KIF26B: variants seen among roughly 807,000 people sequenced by gnomAD.
The protein encoded by KIF26B is kinesin-like protein KIF26B.
A neutral mutation model predicts 151.2 loss-of-function variants in KIF26B; 63 were observed. The observed-to-expected ratio is 0.42, with a 90% CI of 0.34 to 0.51. The LOEUF is 0.51. KIF26B is among the 20% of genes least tolerant of loss of function. The pLI is 0.07. For synonymous variants in KIF26B, 1,357 were observed against 1,262.1 expected (o/e 1.08, Z -1.59); for missense variants, 2,813 against 2,913.6 (o/e 0.97, Z 0.79).
chr1:245,242,415 C>G (rs4658729), intron 2 of KIF26B, among the ~76,000 whole-genome samples: 53,991 of 152,088 alleles, frequency 0.35, 9,904 homozygotes, highest in East Asian at 0.61. Flanking sequence ...TAATGTCTAC[C>G]CTTGTGTTAA....
chr1:245,585,492 A>C (rs2043215421), intron 5 of KIF26B, among the ~76,000 whole-genome samples: 1 of 151,828 alleles, frequency 6.6e-6, no homozygotes, highest in African/African-American at 2.4e-5. Context: ...CGTGATCCTG[A>C]GGATGGAGGA....
intron 5 of KIF26B, among the ~76,000 whole-genome samples, chr1:245,569,699 G>A (rs1444432742): frequency 6.6e-6 from 1 of 152,014 alleles, no homozygotes; most frequent in Non-Finnish European, 1.5e-5. Flanking sequence ...GGCTGAGGTG[G>A]GAAGATCACT....
chr1:245,510,446 C>T (rs1407520610), intron 4 of KIF26B, among the ~76,000 whole-genome samples: 3 of 152,130 alleles, frequency 2.0e-5, no homozygotes, highest in African/African-American at 4.8e-5. Flanking sequence ...CAGGGATGTA[C>T]AATTAAAGAT....
At chr1:245,481,862 T>C (rs1017129595) in intron 4 of KIF26B, among the ~76,000 whole-genome samples, 1 of 151,732 alleles carries the variant, frequency 6.6e-6, no homozygotes, top group East Asian at 1.9e-4. Flanking sequence ...CAGTCCTTGG[T>C]TGGACCTGAC....
chr1:245,652,731 C>T (rs777378967), intron 10 of KIF26B, among the ~76,000 whole-genome samples: 4 of 152,170 alleles, frequency 2.6e-5, no homozygotes, highest in Admixed American at 6.5e-5. Context: ...CTCTACACCT[C>T]GTCCTTTTCA....
intron 5 of KIF26B, among the ~76,000 whole-genome samples, chr1:245,586,758 C>T (rs1005699943): frequency 4.0e-5 from 6 of 151,692 alleles, no homozygotes; most frequent in Admixed American, 1.3e-4. Context: ...CGGTGGCGGG[C>T]GCCTGTAGTC....
intron 2 of KIF26B, among the ~76,000 whole-genome samples, chr1:245,344,144 TTC>T (rs1164670492): frequency 6.7e-6 from 1 of 149,092 alleles, no homozygotes; most frequent in East Asian, 2.0e-4. Flanking sequence ...CTCTCCCTGT[TTC>T]TCTGTCTCTC....
intron 4 of KIF26B, among the ~76,000 whole-genome samples, chr1:245,532,248 C>CTTTTTTTT (rs74163062): frequency 2.5e-5 from 3 of 121,482 alleles, no homozygotes; most frequent in African/African-American, 3.3e-5. Flanking sequence ...CTTTTCTTTT[C>CTTTTTTTT]TTTTTTTTTT....
At chr1:245,490,370 G>A (rs1483027223) in intron 4 of KIF26B, among the ~76,000 whole-genome samples, 1 of 148,396 alleles carries the variant, frequency 6.7e-6, no homozygotes, top group Non-Finnish European at 1.5e-5. Flanking sequence ...GGAGTGCAGT[G>A]GCGCGATCTC....
At chr1:245,387,175 G>GTT (rs200463573) in intron 3 of KIF26B, among the ~76,000 whole-genome samples, 16 of 142,086 alleles carry the variant, frequency 1.1e-4, no homozygotes, top group Admixed American at 1.4e-4. Context: ...TTTGTTTTTT[G>GTT]TTTTTTGAGA....
intron 2 of KIF26B, among the ~76,000 whole-genome samples, chr1:245,346,178 C>T (rs1227488079): frequency 1.3e-5 from 2 of 151,954 alleles, no homozygotes; most frequent in East Asian, 3.9e-4. Context: ...CTCCTGACCT[C>T]GTGATCCACC....
intron 2 of KIF26B, among the ~76,000 whole-genome samples, chr1:245,269,574 C>T (rs539376032): frequency 3.7e-4 from 57 of 152,014 alleles, no homozygotes; most frequent in African/African-American, 9.6e-4. Flanking sequence ...AAGTGATTCT[C>T]CTGCTTCAGC....
At chr1:245,590,620 C>T (rs572641933) in intron 5 of KIF26B, among the ~76,000 whole-genome samples, 76 of 152,200 alleles carry the variant, frequency 5.0e-4, no homozygotes, top group African/African-American at 1.8e-3. Flanking sequence ...AAAAACTGGG[C>T]GTCCAGGCCG....
intron 5 of KIF26B, among the ~76,000 whole-genome samples, chr1:245,569,463 A>G (rs1185608843): frequency 3.3e-5 from 5 of 152,264 alleles, no homozygotes; most frequent in South Asian, 2.1e-4. Flanking sequence ...CAAAAAAATT[A>G]GCCGGGCATC....
At chr1:245,190,636 T>TTG in intron 2 of KIF26B, among the ~76,000 whole-genome samples, 1 of 116,474 alleles carries the variant, frequency 8.6e-6, no homozygotes, top group East Asian at 2.1e-4. Context: ...AATGTTTTGT[T>TTG]TTGTTTTTTT....
chr1:245,342,006 T>G (rs1672343691), intron 2 of KIF26B, among the ~76,000 whole-genome samples: 1 of 152,216 alleles, frequency 6.6e-6, no homozygotes, highest in Admixed American at 6.5e-5. Flanking sequence ...TCAGACCACA[T>G]ACCAAGTTGA....
chr1:245,678,144 G>C (rs1468840212), intron 10 of KIF26B, among the ~76,000 whole-genome samples: 1 of 152,156 alleles, frequency 6.6e-6, no homozygotes, highest in African/African-American at 2.4e-5. Flanking sequence ...GTGGTGAGGA[G>C]GATATTTGAA....
chr1:245,532,311 T>C (rs1165301255), intron 4 of KIF26B, among the ~76,000 whole-genome samples: 3 of 147,686 alleles, frequency 2.0e-5, no homozygotes, highest in Admixed American at 6.9e-5. Context: ...AGTGGCGCGA[T>C]CTCGGCTCAC....
At chr1:245,356,614 C>T (rs1235636847) in intron 2 of KIF26B, among the ~76,000 whole-genome samples, 2 of 151,986 alleles carry the variant, frequency 1.3e-5, no homozygotes, top group African/African-American at 4.8e-5. Flanking sequence ...AATGTGGGAA[C>T]CTCTCTCACT....
Sources: gnomAD v4.1 joint callset for allele counts (sites outside exome capture counted in the v4.1 genomes callset) on GRCh38, gnomAD v4.1.1 for gene constraint, MANE v1.5 for transcripts, NCBI Gene and HGNC (gene_info 2026-07-23, HGNC 2026-07-21) for gene names.